Variants in AGBL4 observed in about 807,000 individuals in gnomAD.
The protein encoded by AGBL4 is AGBL carboxypeptidase 4, also known as cytosolic carboxypeptidase 6.
A neutral mutation model predicts 66.4 loss-of-function variants in AGBL4; 58 were observed. That is an observed-to-expected ratio of 0.87 (90% confidence interval 0.71 to 1.09). The LOEUF (loss-of-function observed/expected upper bound fraction) is 1.09. AGBL4 is among the 50% of genes least tolerant of loss of function. AGBL4 has a pLI of 0.00. For missense variants in AGBL4, 579 were observed against 631.0 expected (o/e 0.92, Z 0.88); for synonymous variants, 234 against 222.9 (o/e 1.05, Z -0.44).
intron 1 of AGBL4, among the ~76,000 whole-genome samples, chr1:49,887,750 A>T (rs1249341110): frequency 6.6e-6 from 1 of 152,138 alleles, no homozygotes; most frequent in Non-Finnish European, 1.5e-5. Flanking sequence ...AAGCAAAAAC[A>T]GTGGAGGTGA....
chr1:48,664,466 C>G (rs320012), intron 6 of AGBL4, among the ~76,000 whole-genome samples: 79,015 of 152,030 alleles, frequency 0.52, 21,539 homozygotes, highest in Middle Eastern at 0.65. Context: ...AAAAACTACT[C>G]TAGACCACCA....
At chr1:48,647,753 A>G (rs1645861775) in intron 8 of AGBL4, 5 of 329,726 alleles carry the variant, frequency 1.5e-5, no homozygotes, top group Admixed American at 1.3e-4. Flanking sequence ...TCTTCTCTGC[A>G]AAAGAAGTGA....
chr1:48,614,071 C>T (rs1645281678), intron 9 of AGBL4, among the ~76,000 whole-genome samples: 2 of 152,082 alleles, frequency 1.3e-5, no homozygotes, highest in Admixed American at 1.3e-4. Flanking sequence ...TTTAGATTTC[C>T]AAGGTCACCC....
chr1:49,978,430 A>T (rs1658763397), intron 1 of AGBL4, among the ~76,000 whole-genome samples: 1 of 152,220 alleles, frequency 6.6e-6, no homozygotes. Flanking sequence ...GGCAACAGAG[A>T]GAGACCCTAT....
chr1:48,602,251 C>T (rs1396594272), intron 9 of AGBL4, among the ~76,000 whole-genome samples: 1 of 152,154 alleles, frequency 6.6e-6, no homozygotes, highest in Non-Finnish European at 1.5e-5. Context: ...TGGCTCTCTA[C>T]TAAGCTGCTA....
At chr1:48,777,291 C>T (rs1280561709) in intron 6 of AGBL4, among the ~76,000 whole-genome samples, 2 of 152,038 alleles carry the variant, frequency 1.3e-5, no homozygotes, top group African/African-American at 4.8e-5. Flanking sequence ...AACAAAACTG[C>T]ATTGCCAAGT....
chr1:49,120,168 C>T (rs531208736), intron 4 of AGBL4, among the ~76,000 whole-genome samples: 4 of 152,126 alleles, frequency 2.6e-5, no homozygotes, highest in Admixed American at 6.5e-5. Flanking sequence ...GAGCATTTAG[C>T]CCATTTACAT....
intron 3 of AGBL4, among the ~76,000 whole-genome samples, chr1:49,371,339 T>G (rs1049076953): frequency 6.6e-6 from 1 of 152,152 alleles, no homozygotes; most frequent in African/African-American, 2.4e-5. Context: ...GGCTAGTATA[T>G]ATGTTTACTT....
At chr1:49,969,931 C>G (rs1224092629) in intron 1 of AGBL4, among the ~76,000 whole-genome samples, 1 of 152,042 alleles carries the variant, frequency 6.6e-6, no homozygotes, top group African/African-American at 2.4e-5. Flanking sequence ...AACAGAGAAC[C>G]CAGAAATAAA....
chr1:48,639,014 A>G (rs1024900709), intron 8 of AGBL4, among the ~76,000 whole-genome samples: 1 of 152,190 alleles, frequency 6.6e-6, no homozygotes, highest in Non-Finnish European at 1.5e-5. Context: ...TGGACTTCAT[A>G]GTCTCCCCAG....
At chr1:49,451,483 GGA>G (rs1557952789) in intron 3 of AGBL4, among the ~76,000 whole-genome samples, 1 of 151,918 alleles carries the variant, frequency 6.6e-6, no homozygotes, top group African/African-American at 2.4e-5. Flanking sequence ...GGGAGAGGAG[GGA>G]GAGTCTTTTG....
chr1:50,009,726 T>C (rs1211386200), intron 1 of AGBL4, among the ~76,000 whole-genome samples: 1 of 151,624 alleles, frequency 6.6e-6, no homozygotes, highest in African/African-American at 2.4e-5. Flanking sequence ...CGAATTATTA[T>C]TGTTTGTAGA....
intron 1 of AGBL4, among the ~76,000 whole-genome samples, chr1:49,956,242 C>A (rs2148333373): frequency 6.6e-6 from 1 of 151,862 alleles, no homozygotes; most frequent in Admixed American, 6.6e-5. Context: ...CAGAACATAT[C>A]AAAACTCAGG....
intron 4 of AGBL4, among the ~76,000 whole-genome samples, chr1:49,122,465 C>G (rs969237318): frequency 6.6e-6 from 1 of 152,092 alleles, no homozygotes; most frequent in Non-Finnish European, 1.5e-5. Context: ...TGCTGCAGGC[C>G]ACATGACACT....
At chr1:49,515,697 AC>A (rs1358712965) in intron 3 of AGBL4, among the ~76,000 whole-genome samples, 1 of 151,860 alleles carries the variant, frequency 6.6e-6, no homozygotes, top group African/African-American at 2.4e-5. Flanking sequence ...ACCATGGAAT[AC>A]TATGCAGCCA....
At chr1:48,650,826 T>C (rs551764337) in intron 8 of AGBL4, among the ~76,000 whole-genome samples, 1 of 152,344 alleles carries the variant, frequency 6.6e-6, no homozygotes, top group East Asian at 1.9e-4. Context: ...TTAGATTCCC[T>C]ATGTTTATAA....
intron 3 of AGBL4, among the ~76,000 whole-genome samples, chr1:49,305,919 A>G (rs1330282205): frequency 6.6e-6 from 1 of 152,014 alleles, no homozygotes; most frequent in African/African-American, 2.4e-5. Flanking sequence ...CAAACTCCCA[A>G]CCTCAGGTGA....
intron 3 of AGBL4, among the ~76,000 whole-genome samples, chr1:49,663,860 G>C (rs948967043): frequency 1.3e-5 from 2 of 151,980 alleles, no homozygotes; most frequent in Admixed American, 1.3e-4. Flanking sequence ...CCAATAAAAT[G>C]GATATGAAAA....
At chr1:49,194,095 T>C (rs1041071785) in intron 4 of AGBL4, among the ~76,000 whole-genome samples, 19 of 152,188 alleles carry the variant, frequency 1.2e-4, no homozygotes, top group African/African-American at 4.3e-4. Context: ...ATGGTCTGTT[T>C]ATTGCTGTTA....
Sources: allele counts gnomAD v4.1 joint callset (sites outside exome capture counted in the v4.1 genomes callset), GRCh38; gene constraint gnomAD v4.1.1; transcripts MANE v1.5; gene names NCBI Gene and HGNC (gene_info 2026-07-23, HGNC 2026-07-21).